The following ATRX variants were observed in gnomAD, a reference collection of about 807,000 sequenced individuals.
ATRX encodes chromatin remodeler ATRX.
Under a neutral mutation model 172.6 loss-of-function variants are expected in ATRX, and 12 were observed. The observed-to-expected ratio is 0.07, with a 90% CI of 0.04 to 0.11. The LOEUF (loss-of-function observed/expected upper bound fraction) is 0.11. ATRX is among the 10% of genes least tolerant of loss of function. The pLI is 1.00. For missense variants in ATRX, 1,368 were observed against 1,767.4 expected (o/e 0.77, Z 4.05); for synonymous variants, 674 against 594.7 (o/e 1.13, Z -1.94).
intron 19 of ATRX, among the ~76,000 whole-genome samples, chrX:77,622,939 G>A (rs1024893640): frequency 1.4e-4 from 15 of 110,106 alleles, no homozygotes; most frequent in African/African-American, 4.6e-4. Flanking sequence ...AGCCCTGAAC[G>A]CCTACATCAA....
At chrX:77,655,387 A>G (rs2069491674) in intron 13 of ATRX, among the ~76,000 whole-genome samples, 1 of 111,373 alleles carries the variant, frequency 9.0e-6, no homozygotes, top group South Asian at 3.7e-4. Context: ...GATACAGGCT[A>G]CAACATGGAT....
chrX:77,684,451 G>T lies in ATRX; in HGVS notation c.805C>A (p.His269Asn), dbSNP rs1479523828. The change falls in exon 9 of 35, where the codon CAC (histidine) becomes AAC (asparagine). Residue 269 changes from histidine (H) to asparagine (N), a missense_variant. Coordinates refer to ENST00000373344, the MANE Select transcript of ATRX (RefSeq NM_000489.6). Reference sequence around the variant, plus strand: ...ACCAAGTCCAACAAAGGCTCTGGGTGACAAATGTAGCAATACCATTGGTTG... The same window carrying T: ...ACCAAGTCCAACAAAGGCTCTGGGTTACAAATGTAGCAATACCATTGGTTG... ...ENNQWYCYIC[H>N]PEPLLDLVTA... 1.7e-6 allele frequency: 2 copies of T among 1,210,041 alleles called. No homozygotes were observed. Among genetic ancestry groups the T allele is most frequent in the Non-Finnish European group, 2.2e-6 (2 of 895,076 alleles).
rs139948612 is a variant in ATRX at position 77,506,897 on chromosome X, C to CTTTT, written c.*1450_*1453dup. Reference sequence around the variant, plus strand: ...TAAAGCAAAGCCCAAACCCAGTTTTCTTTTTTTTTTTTTTTTTTTTTTTTT... The same window carrying CTTTT: ...TAAAGCAAAGCCCAAACCCAGTTTTCTTTTTTTTTTTTTTTTTTTTTTTTTTTTT... On this transcript the variant is annotated 3_prime_UTR_variant, in exon 35 of 35. Coordinates refer to ENST00000373344, the MANE Select transcript of ATRX (RefSeq NM_000489.6). The CTTTT allele has an allele frequency of 3.8e-4, 23 of 60,013 alleles. No individual in the cohort carries two copies. The highest frequency in any genetic ancestry group is 1.3e-3 in the South Asian group (1 of 788). The allele number at this position is 60,013 out of a possible 1,213,427, so 4.9% of individuals were successfully genotyped here.
Position 77,631,220 on chromosome X carries a change from C to T in ATRX, c.5134+1987G>A, listed in dbSNP as rs192618071. ...TTTGAGCAAAAAAAAAAAAAAAATG[C>T]AGTAATGGTTTATAGTCCAATGCAC... On this transcript the variant is annotated intron_variant, in intron 19 of 34. Transcript: ENST00000373344. 4.2e-3 allele frequency among the ~76,000 whole-genome samples: 439 copies of T among 105,341 alleles called. 2 individuals carry two copies. The highest frequency in any genetic ancestry group is 7.3e-3 in the Non-Finnish European group (377 of 51,581). The allele number at this position is 105,341 out of a possible 115,157, so 91.5% of individuals were successfully genotyped here.
At chrX:77,760,911 TC>T (rs2075693683) in intron 1 of ATRX, among the ~76,000 whole-genome samples, 1 of 110,477 alleles carries the variant, frequency 9.1e-6, no homozygotes, top group African/African-American at 3.4e-5. Context: ...ACTACATAGA[TC>T]CGTAGCATCT....
At chrX:77,584,038 A>G (rs2065921768) in intron 27 of ATRX, among the ~76,000 whole-genome samples, 1 of 111,931 alleles carries the variant, frequency 8.9e-6, no homozygotes, top group Admixed American at 9.5e-5. Flanking sequence ...CTTACAAATT[A>G]AAAGAAAATT....
chrX:77,599,397 T>C lies in ATRX; in HGVS notation c.5956+14A>G, dbSNP rs782188755. The C allele has an allele frequency of 4.1e-6, 5 of 1,207,145 alleles. No individual in the cohort carries two copies. The highest frequency in any genetic ancestry group is 4.5e-6 in the Non-Finnish European group (4 of 893,436). ...TTACTGTTCCATGATAAAGGCAACA[T>C]TCATTAGACTCACTTTCTTCCAGTT... On this transcript the variant is annotated intron_variant, in intron 25 of 34. Coordinates refer to ENST00000373344, the MANE Select transcript of ATRX (RefSeq NM_000489.6).
At chrX:77,509,983 G>A (rs1204585462) in intron 34 of ATRX, among the ~76,000 whole-genome samples, 1 of 108,304 alleles carries the variant, frequency 9.2e-6, no homozygotes, top group Non-Finnish European at 1.9e-5. Context: ...CCACACCTTC[G>A]CAAACCCCAG....
intron 34 of ATRX, among the ~76,000 whole-genome samples, chrX:77,509,505 A>C (rs191040987): frequency 8.9e-6 from 1 of 112,086 alleles, no homozygotes; most frequent in African/African-American, 3.2e-5. Context: ...TTTTAACTTC[A>C]TATCACTGAA....
At chrX:77,627,435 G>GT (rs1298092078) in intron 19 of ATRX, among the ~76,000 whole-genome samples, 1 of 110,737 alleles carries the variant, frequency 9.0e-6, no homozygotes, top group Non-Finnish European at 1.9e-5. Flanking sequence ...TTCGAAAGGA[G>GT]TAAGTTTTAG....
At chrX:77,753,538 T>G (rs1307187802) in intron 1 of ATRX, among the ~76,000 whole-genome samples, 1 of 111,432 alleles carries the variant, frequency 9.0e-6, no homozygotes. Context: ...TCTCTAGTTC[T>G]TTTAATTGTG....
intron 27 of ATRX, among the ~76,000 whole-genome samples, chrX:77,580,031 A>G (rs1358150070): frequency 2.7e-5 from 3 of 112,268 alleles, no homozygotes; most frequent in Non-Finnish European, 3.8e-5. Flanking sequence ...TAAAGAATGC[A>G]TAAGAGTCTC....
In ATRX at chrX:77,506,653, A is replaced by G. The variant is rs2062712499; in HGVS notation, c.*1698T>C. 1 of 173,323 alleles carries G rather than the reference A, an allele frequency of 5.8e-6. No individual in the cohort carries two copies. 14.3% of individuals were successfully genotyped at this position (173,323 alleles called of 1,213,427 possible). On this transcript the variant is annotated 3_prime_UTR_variant, in exon 35 of 35. Transcript: ENST00000373344. ...TAAATCTGATTACATGGCTAGCATA[A>G]TATCTAAATATACAGGATTTATTAG...
chrX:77,651,926 T>C (rs891673310), intron 15 of ATRX, 188 bp downstream of exon 15: 2 of 448,054 alleles, frequency 4.5e-6, no homozygotes, highest in South Asian at 3.4e-5. Context: ...TGAAGTCATA[T>C]ACCAAATAAA....
At chrX:77,730,591 C>T (rs1557175691) in intron 1 of ATRX, among the ~76,000 whole-genome samples, 1 of 111,843 alleles carries the variant, frequency 8.9e-6, no homozygotes, top group African/African-American at 3.3e-5. Flanking sequence ...TGTTAAGTAA[C>T]AAAACAAGTC....
At chrX:77,669,464 CA>C (rs2070437994) in intron 10 of ATRX, among the ~76,000 whole-genome samples, 1 of 110,253 alleles carries the variant, frequency 9.1e-6, no homozygotes, top group South Asian at 3.9e-4. Flanking sequence ...CGTAGGACTA[CA>C]GGTGTGTGCC....
intron 15 of ATRX, among the ~76,000 whole-genome samples, chrX:77,650,207 G>A (rs2069143397): frequency 8.9e-6 from 1 of 111,738 alleles, no homozygotes; most frequent in African/African-American, 3.3e-5. Context: ...AAAGTTAGAG[G>A]AGCTGTACCA....
intron 1 of ATRX, among the ~76,000 whole-genome samples, chrX:77,737,893 T>C (rs1353045173): frequency 8.9e-6 from 1 of 111,983 alleles, no homozygotes; most frequent in Non-Finnish European, 1.9e-5. Context: ...AGGGTCCACA[T>C]GTCTTTGGTT....
chrX:77,572,340 A>G (rs1333086139), intron 28 of ATRX, among the ~76,000 whole-genome samples: 3 of 111,657 alleles, frequency 2.7e-5, no homozygotes, highest in Non-Finnish European at 5.7e-5. Flanking sequence ...CTCAACAGGT[A>G]AGAATATAAT....
Sources: allele counts gnomAD v4.1 joint callset (sites outside exome capture counted in the v4.1 genomes callset), GRCh38; gene constraint gnomAD v4.1.1; transcripts MANE v1.5; gene names NCBI Gene and HGNC (gene_info 2026-07-23, HGNC 2026-07-21).